The following LRP1B variants were observed in gnomAD, a reference collection of about 807,000 sequenced individuals.
LRP1B encodes LDL receptor related protein 1B, also known as low-density lipoprotein receptor-related protein 1B.
A neutral mutation model predicts 556.6 loss-of-function variants in LRP1B; 217 were observed. The observed-to-expected ratio is 0.39, with a 90% CI of 0.35 to 0.44. The LOEUF (loss-of-function observed/expected upper bound fraction) is 0.44, where lower values mean the gene tolerates loss of function less well. Ranked by LOEUF, LRP1B falls within the 20% of genes least tolerant of loss-of-function variation. The pLI is 1.00. For synonymous variants in LRP1B, 2,047 were observed against 1,865.8 expected, an observed-to-expected ratio of 1.10 and a Z score of -2.50; for missense variants, 5,053 against 5,620.8, an observed-to-expected ratio of 0.90 and a Z score of 3.23.
At position 140,837,567 on chromosome 2, in the gene LRP1B, A is replaced by G. The variant is rs1391630255; in HGVS notation, c.5209+2424T>C. Among the ~76,000 whole-genome samples, 4 of 151,994 alleles carry G rather than the reference A, an allele frequency of 2.6e-5. No individual in the cohort carries two copies. In the East Asian group the frequency reaches 7.7e-4, roughly 29 times the overall value. On this transcript the variant is annotated intron_variant, in intron 31 of 90. Transcript: ENST00000389484. ...ATATAATTACTGACATAAAGTAGAC[A>G]TGTATTATTGAATGTTCAATCATCA...
intron 41 of LRP1B, among the ~76,000 whole-genome samples, chr2:140,668,735 AGATGTTTTAGAAATAAAGTTCAAGTAGT>A (rs568801374): frequency 0.065 from 9,871 of 152,108 alleles, 671 homozygotes; most frequent in East Asian, 0.33. Context: ...TCAAGCCACT[AGATGTTTTAGAAATAAAGTTCAAGTAGT>A]TTCTAAAAAC....
intron 83 of LRP1B, among the ~76,000 whole-genome samples, chr2:140,298,574 T>A (rs1683698487): frequency 6.6e-6 from 1 of 152,164 alleles, no homozygotes; most frequent in Non-Finnish European, 1.5e-5. Flanking sequence ...TTGATATTGT[T>A]ATTCACAAGA....
At chr2:141,334,024 A>G (rs1240943954) in intron 3 of LRP1B, among the ~76,000 whole-genome samples, 1 of 152,218 alleles carries the variant, frequency 6.6e-6, no homozygotes, top group Non-Finnish European at 1.5e-5. Context: ...AAGAGGATTT[A>G]TTATGAAAAG....
rs776954910 is a variant in LRP1B, at chr2:141,020,140, A to G, written c.1790-38T>C. The stretch of plus-strand genomic sequence containing the variant: ...CAAAAACAAGAAAGAAATTGCTTTT[A>G]CAACTATAGTAAAATTAGTGTTCAC... On this transcript the variant is annotated intron_variant, in intron 11 of 90. Coordinates refer to ENST00000389484, the MANE Select transcript of LRP1B (RefSeq NM_018557.3). The G allele has an allele frequency of 2.9e-6, 4 of 1,362,736 alleles. No individual in the cohort carries two copies. In the South Asian group the frequency reaches 7.1e-5, roughly 24 times the overall value. The allele number at this position is 1,362,736 out of a possible 1,614,324, so 84.4% of individuals were successfully genotyped here.
chr2:141,222,309 ACACATACAC>A (rs1683078926), intron 6 of LRP1B, among the ~76,000 whole-genome samples: 1 of 152,198 alleles, frequency 6.6e-6, no homozygotes. Flanking sequence ...AAATTCCTGG[ACACATACAC>A]CCACCCAAGA....
intron 1 of LRP1B, among the ~76,000 whole-genome samples, chr2:141,835,370 T>A (rs1019217724): frequency 6.6e-6 from 1 of 151,842 alleles, no homozygotes; most frequent in African/African-American, 2.4e-5. Flanking sequence ...TATCACCCTG[T>A]CAACTCCAGT....
At chr2:140,628,694 G>A (rs982042061) in intron 41 of LRP1B, among the ~76,000 whole-genome samples, 1 of 152,144 alleles carries the variant, frequency 6.6e-6, no homozygotes, top group Non-Finnish European at 1.5e-5. Context: ...AATTGGTAAA[G>A]ATAAGTGTAT....
intron 32 of LRP1B, among the ~76,000 whole-genome samples, chr2:140,782,946 T>C (rs1689752744): frequency 6.6e-6 from 1 of 152,164 alleles, no homozygotes; most frequent in South Asian, 2.1e-4. Context: ...GAGTATGGCA[T>C]TAACTCCCAG....
rs575603597 is a variant in LRP1B, at chr2:141,723,924, A to C, written c.205+86355T>G. 9.9e-5 allele frequency among the ~76,000 whole-genome samples: 15 copies of C among 152,018 alleles called. No individual in the cohort carries two copies. The East Asian group carries it at 2.9e-3, about 29-fold the overall frequency. On this transcript the variant is annotated intron_variant, in intron 2 of 90. Coordinates refer to ENST00000389484, the MANE Select transcript of LRP1B (RefSeq NM_018557.3). ...TTCACCAAAAATGTCAACACTAATC[A>C]GGCCAAGTGATGCAATAAGTTTATC...
Position 140,954,948 on chromosome 2 carries a change from A to T in LRP1B, c.2888-3008T>A, listed in dbSNP as rs191401382. The stretch of plus-strand genomic sequence containing the variant: ...GAAGAGAGTAATTATTTAAAGAGAG[A>T]CATGTACAGGAGGAAAGTTATTAAT... On this transcript the variant is annotated intron_variant, in intron 18 of 90. Transcript: ENST00000389484. Among the ~76,000 whole-genome samples the T allele has an allele frequency of 2.2e-4, 33 of 152,112 alleles. No individual in the cohort carries two copies. The East Asian group carries it at 6.4e-3, about 29-fold the overall frequency.
intron 41 of LRP1B, among the ~76,000 whole-genome samples, chr2:140,619,842 T>C (rs898856489): frequency 3.3e-5 from 5 of 152,160 alleles, no homozygotes; most frequent in Admixed American, 2.6e-4. Flanking sequence ...TTTAAATATT[T>C]CATATAAGTA....
intron 2 of LRP1B, among the ~76,000 whole-genome samples, chr2:141,743,597 CT>C (rs905883547): frequency 5.5e-5 from 8 of 146,140 alleles, no homozygotes; most frequent in African/African-American, 2.0e-4. Context: ...GGGTCCCAGG[CT>C]TTTCTTTGCT....
intron 7 of LRP1B, among the ~76,000 whole-genome samples, chr2:141,165,107 G>C (rs186410062): frequency 1.1e-3 from 171 of 152,138 alleles, no homozygotes; most frequent in African/African-American, 3.3e-3. Context: ...TCATTAGGCA[G>C]AGAGACTGTG....
chr2:141,927,669 T>G (rs1380527900), intron 1 of LRP1B, among the ~76,000 whole-genome samples: 1 of 152,048 alleles, frequency 6.6e-6, no homozygotes, highest in Non-Finnish European at 1.5e-5. Context: ...TTTTCAGTTG[T>G]TGCAGCTAAG....
At chr2:140,809,137 T>C (rs1452016760) in intron 32 of LRP1B, among the ~76,000 whole-genome samples, 10 of 152,122 alleles carry the variant, frequency 6.6e-5, no homozygotes, top group Non-Finnish European at 1.3e-4. Flanking sequence ...AAGGTTATTG[T>C]AGAGATTTTT....
At chr2:140,967,089 G>A (rs1000772451) in intron 18 of LRP1B, among the ~76,000 whole-genome samples, 1 of 152,164 alleles carries the variant, frequency 6.6e-6, no homozygotes, top group Non-Finnish European at 1.5e-5. Flanking sequence ...GAAACTCATT[G>A]GTAGCTTGAT....
intron 84 of LRP1B, among the ~76,000 whole-genome samples, chr2:140,289,408 T>A (rs1304606615): frequency 6.6e-6 from 1 of 151,994 alleles, no homozygotes; most frequent in East Asian, 1.9e-4. Context: ...AAATCCCCAA[T>A]GCCTAGAGCA....
chr2:140,609,932 G>A (rs1683008206), intron 41 of LRP1B, among the ~76,000 whole-genome samples: 1 of 151,968 alleles, frequency 6.6e-6, no homozygotes, highest in South Asian at 2.1e-4. Context: ...AATAAAATGT[G>A]GTTTACTCCC....
chr2:141,014,193 G>A (rs1225297608), intron 13 of LRP1B, among the ~76,000 whole-genome samples: 1 of 152,004 alleles, frequency 6.6e-6, no homozygotes, highest in Non-Finnish European at 1.5e-5. Context: ...TGTTCAAACA[G>A]CATTGGGAGT....
Sources: gnomAD v4.1 joint callset for allele counts (sites outside exome capture counted in the v4.1 genomes callset) on GRCh38, gnomAD v4.1.1 for gene constraint, MANE v1.5 for transcripts, NCBI Gene and HGNC (gene_info 2026-07-23, HGNC 2026-07-21) for gene names.